Variants in LCLAT1 observed in about 807,000 individuals in gnomAD.
The protein encoded by LCLAT1 is 1-AGP acyltransferase 8.
A neutral mutation model predicts 30.7 loss-of-function variants in LCLAT1; 11 were observed. The ratio of observed to expected loss-of-function variants is 0.36; its 90% CI spans 0.23 to 0.59. LCLAT1 has a LOEUF of 0.59. Ranked by LOEUF, LCLAT1 falls within the 20% of genes least tolerant of loss-of-function variation. The pLI is 0.77. For synonymous variants in LCLAT1, 155 were observed against 151.3 expected (o/e 1.02, Z -0.18); for missense variants, 402 against 458.6 (o/e 0.88, Z 1.13).
At chr2:30,546,022 T>TTC (rs1203762258) in intron 3 of LCLAT1, among the ~76,000 whole-genome samples, 1 of 152,198 alleles carries the variant, frequency 6.6e-6, no homozygotes, top group Non-Finnish European at 1.5e-5. Flanking sequence ...AATTCTGGAA[T>TTC]TCTAAAGCAT....
chr2:30,463,571 C>T (rs1187054654), intron 1 of LCLAT1, among the ~76,000 whole-genome samples: 1 of 152,240 alleles, frequency 6.6e-6, no homozygotes, highest in African/African-American at 2.4e-5. Context: ...ATTGCCTCTG[C>T]ACTGAACATG....
At chr2:30,580,081 T>A (rs559580822) in intron 5 of LCLAT1, among the ~76,000 whole-genome samples, 2 of 152,268 alleles carry the variant, frequency 1.3e-5, no homozygotes, top group South Asian at 4.1e-4. Flanking sequence ...GACTATATGA[T>A]GGCATATAGT....
At chr2:30,463,450 G>A (rs1045286520) in intron 1 of LCLAT1, among the ~76,000 whole-genome samples, 1 of 152,094 alleles carries the variant, frequency 6.6e-6, no homozygotes, top group Non-Finnish European at 1.5e-5. Context: ...CACGGGTCAT[G>A]TCTACCTTTC....
intron 5 of LCLAT1, among the ~76,000 whole-genome samples, chr2:30,605,173 T>C (rs1667379445): frequency 6.6e-6 from 1 of 152,224 alleles, no homozygotes; most frequent in Non-Finnish European, 1.5e-5. Context: ...AAATTAAGCA[T>C]TTATAGTGCG....
chr2:30,556,639 T>G (rs1397970862), intron 3 of LCLAT1, among the ~76,000 whole-genome samples: 2 of 152,206 alleles, frequency 1.3e-5, no homozygotes, highest in African/African-American at 4.8e-5. Flanking sequence ...ATATCTCTGC[T>G]GTAGAGCAGT....
chr2:30,616,051 T>C (rs973441515), intron 5 of LCLAT1, among the ~76,000 whole-genome samples: 3 of 152,212 alleles, frequency 2.0e-5, no homozygotes, highest in African/African-American at 7.2e-5. Context: ...CAGGCCAGTT[T>C]CATCTATAAG....
intron 5 of LCLAT1, among the ~76,000 whole-genome samples, chr2:30,596,425 C>G (rs895160278): frequency 1.3e-5 from 2 of 151,594 alleles, no homozygotes; most frequent in Non-Finnish European, 1.5e-5. Flanking sequence ...AGTTTATTAG[C>G]CATATAAATG....
rs116160333 is a variant in LCLAT1 at position 30,557,973 on chromosome 2, T to G, written c.365-4173T>G. ...GAAAACAAACAATTTTAACCTCTGCTTCACATAATCCATAAAAATTCACTT... is the reference window on the plus strand; with the variant it reads ...GAAAACAAACAATTTTAACCTCTGCGTCACATAATCCATAAAAATTCACTT... On this transcript the variant is annotated intron_variant, in intron 3 of 5. Coordinates refer to ENST00000379509, the MANE Select transcript of LCLAT1 (RefSeq NM_001002257.3). Among the ~76,000 whole-genome samples, 1,487 of 152,318 alleles carry G rather than the reference T, an allele frequency of 9.8e-3. 24 individuals carry two copies. Among genetic ancestry groups the G allele is most frequent in the African/African-American group, 0.034 (1,397 of 41,562 alleles).
At chr2:30,458,560 C>T (rs1681946085) in intron 1 of LCLAT1, among the ~76,000 whole-genome samples, 1 of 152,116 alleles carries the variant, frequency 6.6e-6, no homozygotes, top group African/African-American at 2.4e-5. Context: ...AATGATGTCT[C>T]AAGGATGTTA....
chr2:30,591,711 CCA>C (rs1312254253), intron 5 of LCLAT1, among the ~76,000 whole-genome samples: 1 of 152,112 alleles, frequency 6.6e-6, no homozygotes, highest in Non-Finnish European at 1.5e-5. Flanking sequence ...AGACTAGAGC[CCA>C]CAGTCTATTA....
chr2:30,573,954 A>G (rs1665888813), intron 5 of LCLAT1, among the ~76,000 whole-genome samples: 3 of 152,124 alleles, frequency 2.0e-5, no homozygotes, highest in Non-Finnish European at 4.4e-5. Context: ...CAGCCTGGTT[A>G]AGATGACGAA....
At chr2:30,492,502 G>A (rs141284714) in intron 1 of LCLAT1, among the ~76,000 whole-genome samples, 42 of 151,944 alleles carry the variant, frequency 2.8e-4, no homozygotes, top group Middle Eastern at 3.4e-3. Flanking sequence ...ATTAACTTGG[G>A]GCCAGACTGT....
intron 4 of LCLAT1, among the ~76,000 whole-genome samples, chr2:30,566,377 A>G (rs1665484531): frequency 6.6e-6 from 1 of 152,146 alleles, no homozygotes; most frequent in Non-Finnish European, 1.5e-5. Context: ...TGTCTATAAT[A>G]TAAATATTGT....
intron 5 of LCLAT1, among the ~76,000 whole-genome samples, chr2:30,612,445 A>T (rs1463769073): frequency 2.0e-5 from 3 of 152,106 alleles, no homozygotes; most frequent in African/African-American, 4.8e-5. Flanking sequence ...GCCTATTCAG[A>T]TGTTGGTCAT....
At chr2:30,462,787 G>C (rs1682227881) in intron 1 of LCLAT1, among the ~76,000 whole-genome samples, 1 of 152,160 alleles carries the variant, frequency 6.6e-6, no homozygotes, top group Non-Finnish European at 1.5e-5. Flanking sequence ...CTGATCAAAG[G>C]AAATTTTAAA....
chr2:30,565,015 G>T (rs1408490981), intron 4 of LCLAT1, among the ~76,000 whole-genome samples: 1 of 152,066 alleles, frequency 6.6e-6, no homozygotes, highest in African/African-American at 2.4e-5. Context: ...CATTTCTTTT[G>T]AGTCATTTTG....
intron 5 of LCLAT1, among the ~76,000 whole-genome samples, chr2:30,614,681 T>G (rs1417770632): frequency 5.3e-5 from 8 of 152,114 alleles, no homozygotes; most frequent in Admixed American, 3.9e-4. Flanking sequence ...AGTAAATATG[T>G]GAGTCTAGAA....
At chr2:30,518,443 G>C (rs549933990) in intron 1 of LCLAT1, among the ~76,000 whole-genome samples, 1 of 152,268 alleles carries the variant, frequency 6.6e-6, no homozygotes, top group South Asian at 2.1e-4. Context: ...TTTGCACTCA[G>C]CCAAGCCTTA....
At chr2:30,522,482 C>G (rs1294590653) in intron 1 of LCLAT1, among the ~76,000 whole-genome samples, 1 of 152,096 alleles carries the variant, frequency 6.6e-6, no homozygotes, top group Non-Finnish European at 1.5e-5. Flanking sequence ...AAGAATAGGG[C>G]TGGATTAAAT....
Sources: gnomAD v4.1 joint callset for allele counts (sites outside exome capture counted in the v4.1 genomes callset) on GRCh38, gnomAD v4.1.1 for gene constraint, MANE v1.5 for transcripts, NCBI Gene and HGNC (gene_info 2026-07-23, HGNC 2026-07-21) for gene names.